The following IL17RD variants were observed in gnomAD, a reference collection of about 807,000 sequenced individuals.
IL17RD encodes interleukin 17 receptor D.
Under a neutral mutation model 80.5 loss-of-function variants are expected in IL17RD, and 52 were observed. The observed-to-expected ratio is 0.65, with a 90% CI of 0.52 to 0.81. IL17RD has a LOEUF of 0.81. Ranked by LOEUF, IL17RD falls within the 40% of genes least tolerant of loss-of-function variation. The pLI is 0.00. For synonymous variants in IL17RD, 416 were observed against 391.8 expected, an observed-to-expected ratio of 1.06 and a Z score of -0.73; for missense variants, 1,024 against 955.1, an observed-to-expected ratio of 1.07 and a Z score of -0.95.
chr3:57,139,097 C>T (rs913601624), intron 1 of IL17RD, among the ~76,000 whole-genome samples: 3 of 151,854 alleles, frequency 2.0e-5, no homozygotes, highest in South Asian at 2.1e-4. Flanking sequence ...AAAGGCAGGA[C>T]GTCATGTATG....
intron 1 of IL17RD, among the ~76,000 whole-genome samples, chr3:57,150,697 C>CA (rs1708042394): frequency 6.6e-6 from 1 of 152,132 alleles, no homozygotes; most frequent in African/African-American, 2.4e-5. Flanking sequence ...GATCGGGACT[C>CA]AAATTACAAT....
At chr3:57,162,570 T>C (rs2060312558) in intron 1 of IL17RD, among the ~76,000 whole-genome samples, 1 of 152,154 alleles carries the variant, frequency 6.6e-6, no homozygotes. Context: ...AGGGACAATT[T>C]TTTGCAGAAG....
intron 8 of IL17RD, 111 bp from the exon 9 acceptor site, chr3:57,103,256 G>T: frequency 1.1e-6 from 1 of 891,658 alleles, no homozygotes. Context: ...GTGCGGGAAG[G>T]GGTGGGAAGC....
chr3:57,096,340 G>T lies in IL17RD; in HGVS notation c.*53C>A. The T allele has an allele frequency of 8.4e-7, 1 of 1,186,302 alleles. No individual in the cohort carries two copies. Among genetic ancestry groups the T allele is most frequent in the South Asian group, 1.2e-5 (1 of 82,538 alleles). 73.5% of individuals were successfully genotyped at this position (1,186,302 alleles called of 1,614,324 possible). ...CATGCAACCAGGGAGATGAGCTGGG[G>T]AATCAGAGGGAGGCAGCAGCTAAAG... On this transcript the variant is annotated 3_prime_UTR_variant, in exon 13 of 13. Transcript: ENST00000296318.
chr3:57,120,335 T>C (rs1347907639), intron 1 of IL17RD, 22 bp from the exon 2 acceptor site: 18 of 1,601,708 alleles, frequency 1.1e-5, no homozygotes, highest in Middle Eastern at 1.7e-4. Context: ...CAAGAGAACA[T>C]GATGCAGAGT....
intron 1 of IL17RD, among the ~76,000 whole-genome samples, chr3:57,145,939 C>A (rs1442953722): frequency 6.6e-6 from 1 of 152,050 alleles, no homozygotes; most frequent in Non-Finnish European, 1.5e-5. Flanking sequence ...TTTTTAAACT[C>A]CAATAAAACA....
intron 1 of IL17RD, among the ~76,000 whole-genome samples, chr3:57,145,727 T>C (rs1707912045): frequency 6.6e-6 from 1 of 152,106 alleles, no homozygotes; most frequent in South Asian, 2.1e-4. Flanking sequence ...ATCACCTCAA[T>C]AAAAATAATA....
At chr3:57,146,819 T>G (rs1707941261) in intron 1 of IL17RD, among the ~76,000 whole-genome samples, 1 of 137,650 alleles carries the variant, frequency 7.3e-6, no homozygotes. Flanking sequence ...TGAGAGGTAT[T>G]CTTTTTTTTT....
intron 1 of IL17RD, among the ~76,000 whole-genome samples, chr3:57,144,341 C>T (rs761632352): frequency 4.3e-4 from 66 of 152,186 alleles, no homozygotes; most frequent in Admixed American, 1.0e-3. Context: ...TTTCCCTAGC[C>T]GTTCACCATC....
chr3:57,110,820 G>A (rs1707079836), intron 3 of IL17RD, among the ~76,000 whole-genome samples: 1 of 152,234 alleles, frequency 6.6e-6, no homozygotes, highest in South Asian at 2.1e-4. Context: ...TCTGAGGCTT[G>A]AGATTAAATA....
chr3:57,155,075 C>T (rs1048687050), intron 1 of IL17RD, among the ~76,000 whole-genome samples: 5 of 152,134 alleles, frequency 3.3e-5, no homozygotes, highest in South Asian at 4.2e-4. Context: ...TCCGCAGCCC[C>T]GGAAAGAAGG....
At chr3:57,134,804 A>C (rs879132663) in intron 1 of IL17RD, 6 of 382,260 alleles carry the variant, frequency 1.6e-5, no homozygotes, top group South Asian at 1.2e-4. Flanking sequence ...TTTACCTGCC[A>C]TAAATAAATA....
In IL17RD at chr3:57,114,927, G is replaced by A. The variant is rs1579277001; in HGVS notation, c.185-110C>T. ...GTCTGAAGGTGGCCAAATCCATTCT[G>A]TTAAAGATGTGTCCCTCAAAAGCCC... On this transcript the variant is annotated intron_variant, in intron 2 of 12. Transcript: ENST00000296318. The A allele has an allele frequency of 4.8e-6, 4 of 841,260 alleles. No homozygotes were observed. In the East Asian group the frequency reaches 9.0e-5, roughly 19 times the overall value. 52.1% of individuals were successfully genotyped at this position (841,260 alleles called of 1,614,324 possible). A position where few individuals can be genotyped will look rare whatever the true frequency, so the allele number is the denominator to read the frequency against.
Position 57,097,855 on chromosome 3 carries a change from G to T in IL17RD, c.1848C>A (p.Ala616=). ...EAAVLGATGP[A]DSQHESQHGG... ...CATGCTGACTCTCGTGCTGGGAGTC[G>T]GCTGGTCCGGTTGCCCCAAGAACAG... Residue 616 remains alanine, a synonymous_variant, in exon 12 of 13, where the codon GCC becomes GCA. Transcript: ENST00000296318. 2.5e-6 allele frequency: 4 copies of T among 1,613,340 alleles called. No homozygotes were observed. Among genetic ancestry groups the T allele is most frequent in the Non-Finnish European group, 3.4e-6 (4 of 1,179,702 alleles).
chr3:57,121,800 C>T lies in IL17RD; in HGVS notation c.127-1487G>A, dbSNP rs1335974139. 2.0e-5 allele frequency among the ~76,000 whole-genome samples: 3 copies of T among 152,124 alleles called. No homozygotes were observed. In the East Asian group the frequency reaches 5.8e-4, roughly 29 times the overall value. ...CACAGTAACACAACCAGGTAGGAGA[C>T]CAGGAACGAGACAATCCAATCCCCC... On this transcript the variant is annotated intron_variant, in intron 1 of 12. Coordinates refer to ENST00000296318, the MANE Select transcript of IL17RD (RefSeq NM_017563.5).
At chr3:57,130,392 A>G (rs1241537491) in intron 1 of IL17RD, among the ~76,000 whole-genome samples, 1 of 152,240 alleles carries the variant, frequency 6.6e-6, no homozygotes, top group Non-Finnish European at 1.5e-5. Flanking sequence ...AGCAATATAT[A>G]AAATATCCAC....
chr3:57,131,766 G>C (rs1330001258), intron 1 of IL17RD, among the ~76,000 whole-genome samples: 14 of 152,214 alleles, frequency 9.2e-5, no homozygotes, highest in African/African-American at 3.4e-4. Context: ...GTATTTTCAG[G>C]AGGCTTCTGG....
chr3:57,136,616 C>T (rs1052661075), intron 1 of IL17RD, among the ~76,000 whole-genome samples: 2 of 147,278 alleles, frequency 1.4e-5, no homozygotes, highest in Admixed American at 1.4e-4. Context: ...CTCTGTCTAC[C>T]CCTCCCCCGC....
At position 57,091,174 on chromosome 3, in the gene IL17RD, T is replaced by G. The variant is rs2035655; in HGVS notation, c.*5219A>C. 0.22 allele frequency: 33,558 copies of G among 152,400 alleles called. 4,055 individuals carry two copies. Among genetic ancestry groups the G allele is most frequent in the East Asian group, 0.37 (1,932 of 5,168 alleles). The allele number at this position is 152,400 out of a possible 1,614,324, so 9.4% of individuals were successfully genotyped here. A position where few individuals can be genotyped will look rare whatever the true frequency, so the allele number is the denominator to read the frequency against. ...AATATTGTGAGTCATGAAATAAAGG[T>G]GATATCTATAGAGATGTGTAAAAAT... On this transcript the variant is annotated 3_prime_UTR_variant, in exon 13 of 13. Transcript: ENST00000296318.
Sources: allele counts gnomAD v4.1 joint callset (sites outside exome capture counted in the v4.1 genomes callset), GRCh38; gene constraint gnomAD v4.1.1; transcripts MANE v1.5; gene names NCBI Gene and HGNC (gene_info 2026-07-23, HGNC 2026-07-21).